The following VWA8 variants were observed in gnomAD, a reference collection of about 807,000 sequenced individuals.
The protein encoded by VWA8 is von Willebrand factor A domain-containing protein 8.
Under a neutral mutation model 241.5 loss-of-function variants are expected in VWA8, and 221 were observed. The observed-to-expected ratio is 0.91, with a 90% CI of 0.82 to 1.02. The LOEUF (loss-of-function observed/expected upper bound fraction) is 1.02, where lower values mean the gene tolerates loss of function less well. Among genes scored for constraint, VWA8 ranks in the 50% least tolerant of loss-of-function variants. The probability of loss-of-function intolerance (pLI) is 0.00; values close to 1 mark genes in which losing one functional copy is unlikely to be tolerated. For synonymous variants in VWA8, 852 were observed against 827.1 expected (o/e 1.03, Z -0.52); for missense variants, 2,322 against 2,328.7 (o/e 1.00, Z 0.06).
At chr13:41,890,141 G>A (rs762378510) in intron 5 of VWA8, among the ~76,000 whole-genome samples, 21 of 152,190 alleles carry the variant, frequency 1.4e-4, no homozygotes, top group Non-Finnish European at 2.5e-4. Context: ...AAACAGTAAA[G>A]AAACAGACTG....
chr13:41,619,192 G>T (rs2044640999), intron 37 of VWA8, among the ~76,000 whole-genome samples: 2 of 152,162 alleles, frequency 1.3e-5, no homozygotes, highest in Non-Finnish European at 2.9e-5. Context: ...CACATCCCTT[G>T]TAAGCTGGAT....
chr13:41,622,436 C>G (rs931474225), intron 37 of VWA8, among the ~76,000 whole-genome samples: 6 of 152,158 alleles, frequency 3.9e-5, no homozygotes, highest in African/African-American at 1.4e-4. Context: ...CTAGAAAAAG[C>G]TCAAGTAAGT....
At chr13:41,928,653 C>G (rs1322063220) in intron 2 of VWA8, among the ~76,000 whole-genome samples, 1 of 151,896 alleles carries the variant, frequency 6.6e-6, no homozygotes, top group Non-Finnish European at 1.5e-5. Context: ...AGATTCTGAA[C>G]AGTTGAACGT....
At chr13:41,779,548 A>G (rs2137931542) in intron 19 of VWA8, among the ~76,000 whole-genome samples, 1 of 152,326 alleles carries the variant, frequency 6.6e-6, no homozygotes, top group Admixed American at 6.5e-5. Flanking sequence ...AAAAAGAGAC[A>G]CTATTAATAA....
intron 20 of VWA8, among the ~76,000 whole-genome samples, chr13:41,774,688 A>G (rs1257345772): frequency 6.6e-6 from 1 of 152,212 alleles, no homozygotes; most frequent in African/African-American, 2.4e-5. Flanking sequence ...GCACTTTATT[A>G]AAGAAGCATA....
At chr13:41,744,817 T>A (rs1404492201) in intron 21 of VWA8, among the ~76,000 whole-genome samples, 1 of 152,076 alleles carries the variant, frequency 6.6e-6, no homozygotes, top group East Asian at 1.9e-4. Flanking sequence ...CTGACTTGTT[T>A]AATTTATTTA....
At chr13:41,958,920 T>C (rs921559169) in intron 1 of VWA8, among the ~76,000 whole-genome samples, 2 of 152,248 alleles carry the variant, frequency 1.3e-5, no homozygotes, top group African/African-American at 4.8e-5. Flanking sequence ...AATACGTATA[T>C]AATACAGACT....
At chr13:41,907,838 G>C in intron 3 of VWA8, 142 bp from the exon 4 acceptor site, 3 of 653,292 alleles carry the variant, frequency 4.6e-6, no homozygotes, top group Non-Finnish European at 7.9e-6. Context: ...TTGAATCTAA[G>C]TTTGAGAAAA....
chr13:41,592,016 C>G (rs1442732424), intron 40 of VWA8, among the ~76,000 whole-genome samples: 1 of 149,454 alleles, frequency 6.7e-6, no homozygotes, highest in Admixed American at 6.7e-5. Flanking sequence ...CACATGCACA[C>G]GTATGTTTAT....
intron 37 of VWA8, among the ~76,000 whole-genome samples, chr13:41,637,532 G>T (rs1218016514): frequency 1.3e-5 from 2 of 151,646 alleles, no homozygotes; most frequent in Non-Finnish European, 1.5e-5. Flanking sequence ...CCTGCACGTT[G>T]TGCACATGTA....
At chr13:41,601,334 C>T (rs1047268408) in intron 40 of VWA8, among the ~76,000 whole-genome samples, 1 of 152,088 alleles carries the variant, frequency 6.6e-6, no homozygotes, top group Non-Finnish European at 1.5e-5. Context: ...TCTCTGTGCC[C>T]TCAGTGCCAA....
In VWA8 at chr13:41,689,017, A is replaced by C. The variant is rs577638429; in HGVS notation, c.4131+337T>G. 5.4e-4 allele frequency among the ~76,000 whole-genome samples: 82 copies of C among 151,684 alleles called. 1 individual carries two copies. The highest frequency in any genetic ancestry group is 1.7e-3 in the African/African-American group (72 of 41,356). ...ATATATAGAATGTGTAGATGGAAAA[A>C]TAATTAACTTTAAAAAATTATAGAA... On this transcript the variant is annotated intron_variant, in intron 34 of 44. Coordinates refer to ENST00000379310, the MANE Select transcript of VWA8 (RefSeq NM_015058.2).
intron 14 of VWA8, 87 bp downstream of exon 14, chr13:41,830,442 C>A: frequency 1.8e-6 from 2 of 1,083,610 alleles, no homozygotes; most frequent in African/African-American, 1.6e-5. Flanking sequence ...GTTATCTTGG[C>A]ATTATTCTAG....
intron 12 of VWA8, among the ~76,000 whole-genome samples, chr13:41,862,529 T>G (rs1056729669): frequency 2.6e-5 from 4 of 151,992 alleles, no homozygotes; most frequent in Admixed American, 2.6e-4. Context: ...TGGGAGAAAA[T>G]ATTCACAAAC....
chr13:41,834,816 G>C (rs1871641886), intron 12 of VWA8, among the ~76,000 whole-genome samples: 1 of 152,112 alleles, frequency 6.6e-6, no homozygotes, highest in Non-Finnish European at 1.5e-5. Context: ...CAAGAGCAAA[G>C]ACATGGAATC....
intron 12 of VWA8, among the ~76,000 whole-genome samples, chr13:41,843,449 GA>G (rs965024074): frequency 1.6e-4 from 25 of 152,006 alleles, no homozygotes; most frequent in African/African-American, 2.2e-4. Context: ...AGAAAAACAA[GA>G]ATAACCTAAC....
At chr13:41,811,434 AGG>A (rs761743348) in intron 16 of VWA8, 94 bp from the exon 17 acceptor site, 34 of 954,898 alleles carry the variant, frequency 3.6e-5, no homozygotes, top group Non-Finnish European at 4.7e-5. Context: ...TTATTACTGA[AGG>A]GGTAAGGCCA....
chr13:41,609,805 T>C (rs2044575818), intron 39 of VWA8, among the ~76,000 whole-genome samples: 1 of 152,186 alleles, frequency 6.6e-6, no homozygotes, highest in African/African-American at 2.4e-5. Context: ...TCTCTTTTAC[T>C]TCAACTGAGA....
chr13:41,835,547 C>G (rs536933530), intron 12 of VWA8, among the ~76,000 whole-genome samples: 9 of 152,092 alleles, frequency 5.9e-5, no homozygotes, highest in African/African-American at 9.7e-5. Context: ...GAGACAGTCA[C>G]GACATTCCTC....
Sources: allele counts gnomAD v4.1 joint callset (sites outside exome capture counted in the v4.1 genomes callset), GRCh38; gene constraint gnomAD v4.1.1; transcripts MANE v1.5; gene names NCBI Gene and HGNC (gene_info 2026-07-23, HGNC 2026-07-21).